Variants in CCDC61 observed in about 807,000 individuals in gnomAD.
The protein encoded by CCDC61 is centrosomal protein CCDC61.
In CCDC61, 55 loss-of-function variants were observed where a neutral mutation model predicts 63.0. The ratio of observed to expected loss-of-function variants is 0.87; its 90% CI spans 0.70 to 1.09. The LOEUF (loss-of-function observed/expected upper bound fraction) is 1.09. Among genes scored for constraint, CCDC61 ranks in the 50% least tolerant of loss-of-function variants. The pLI, the probability that CCDC61 is intolerant of heterozygous loss-of-function variation, is 0.00. For missense variants in CCDC61, 651 were observed against 731.4 expected, an observed-to-expected ratio of 0.89 and a Z score of 1.27; for synonymous variants, 270 against 317.0, an observed-to-expected ratio of 0.85 and a Z score of 1.58.
In CCDC61 at chr19:46,016,825, G is replaced by C; in HGVS notation, c.1223G>C (p.Ser408Thr). The change falls in exon 10 of 14, where the codon AGC becomes ACC. Residue 408 changes from serine (S) to threonine (T), a missense_variant. Transcript: ENST00000595358. This position sits in a 1 kb window ranked among gnomAD's most constrained non-coding sequence, Gnocchi z 7.2. ...GDAPNRSRNR[S>T]SSVDSFRSRC... ...GCCCCTAACCGCTCCCGAAACCGCA[G>C]CTCCTCAGGTAACTGGCCTGGAGCT... 3 of 1,517,300 alleles carry C rather than the reference G, an allele frequency of 2.0e-6. No homozygotes were observed. The highest frequency in any genetic ancestry group is 2.7e-6 in the Non-Finnish European group (3 of 1,131,060). The allele number at this position is 1,517,300 out of a possible 1,614,324, so 94.0% of individuals were successfully genotyped here.
chr19:46,018,019 A>G lies in CCDC61; in HGVS notation c.1369-59A>G, dbSNP rs1159397301. Reference sequence around the variant, plus strand: ...AGGCTCAGGATTTCCAGTGGGATTTAGGGGGACAGAAATAGAGGGACGGTG... The same window carrying G: ...AGGCTCAGGATTTCCAGTGGGATTTGGGGGGACAGAAATAGAGGGACGGTG... On this transcript the variant is annotated intron_variant, in intron 12 of 13. Coordinates refer to ENST00000595358, the MANE Select transcript of CCDC61 (RefSeq NM_001267723.2). The surrounding 1 kb of genome is among the most constrained non-coding windows in gnomAD (Gnocchi z 4.2). 4.8e-6 allele frequency: 7 copies of G among 1,447,662 alleles called. No individual in the cohort carries two copies. The African/African-American group carries it at 7.1e-5, about 15-fold the overall frequency. The allele number at this position is 1,447,662 out of a possible 1,614,324, so 89.7% of individuals were successfully genotyped here.
intron 5 of CCDC61, among the ~76,000 whole-genome samples, chr19:46,011,537 T>C (rs1968828859): frequency 6.6e-6 from 1 of 152,204 alleles, no homozygotes; most frequent in Non-Finnish European, 1.5e-5. Context: ...CGCCATGGTG[T>C]GTTTAATGTC....
rs948132451 is a variant in CCDC61, at chr19:46,015,775, G to A, written c.846-279G>A. ...TTTATGGGGTGGGTGGTGGAAAATT[G>A]GAAAGAGTTTCCGGGGAGTTGTGGA... On this transcript the variant is annotated intron_variant, in intron 7 of 13. Coordinates refer to ENST00000595358, the MANE Select transcript of CCDC61 (RefSeq NM_001267723.2). The surrounding 1 kb of genome is among the most constrained non-coding windows in gnomAD (Gnocchi z 5.3). Among the ~76,000 whole-genome samples, 88 of 152,056 alleles carry A rather than the reference G, an allele frequency of 5.8e-4. No homozygotes were observed. The highest frequency in any genetic ancestry group is 1.1e-3 in the Non-Finnish European group (78 of 67,988).
chr19:46,012,412 G>A (rs1302718350), intron 5 of CCDC61, among the ~76,000 whole-genome samples: 1 of 152,188 alleles, frequency 6.6e-6, no homozygotes, highest in African/African-American at 2.4e-5. Flanking sequence ...TTGGGAGGCC[G>A]AGGCGGGTGG....
chr19:46,017,228 G>T lies in CCDC61; in HGVS notation c.1311-19G>T. 6.4e-7 allele frequency: 1 copy of T among 1,558,464 alleles called. No individual in the cohort carries two copies. Among genetic ancestry groups the T allele is most frequent in the Non-Finnish European group, 8.7e-7 (1 of 1,150,578 alleles). On this transcript the variant is annotated intron_variant, in intron 11 of 13. Coordinates refer to ENST00000595358, the MANE Select transcript of CCDC61 (RefSeq NM_001267723.2). ...CAGAGCCTCCCCACCACTGGTCCTT[G>T]GTTACTCCTTTTTCTCAGGGGTCAC...
Position 46,018,371 on chromosome 19 carries a change from T to C in CCDC61, c.1523T>C (p.Leu508Pro), listed in dbSNP as rs759578131. ...LKALQEYMNR[L>P]DMRS Reference sequence around the variant, plus strand: ...GCCTTGCAGGAGTACATGAACCGACTGGACATGCGGTCATAACGTGGAGAA... The same window carrying C: ...GCCTTGCAGGAGTACATGAACCGACCGGACATGCGGTCATAACGTGGAGAA... Residue 508 changes from leucine (L) to proline (P), a missense_variant, in exon 14 of 14, where the codon CTG (leucine) becomes CCG (proline). Transcript: ENST00000595358. The surrounding 1 kb of genome is among the most constrained non-coding windows in gnomAD (Gnocchi z 4.2). 3 of 1,570,754 alleles carry C rather than the reference T, an allele frequency of 1.9e-6. No homozygotes were observed. In the East Asian group the frequency reaches 7.1e-5, roughly 37 times the overall value.
rs1968713748 is a variant in CCDC61, at chr19:46,006,561, T to C, written c.234T>C (p.Ser78=). The C allele has an allele frequency of 6.4e-7, 1 of 1,556,852 alleles. No individual in the cohort carries two copies. The highest frequency in any genetic ancestry group is 8.7e-7 in the Non-Finnish European group (1 of 1,146,870). ...CTCCTCCTCTCCTCTCCTGACAGAGTAGTGAGTCAGTCACCCTGGACCTGC... is the reference window on the plus strand; with the variant it reads ...CTCCTCCTCTCCTCTCCTGACAGAGCAGTGAGTCAGTCACCCTGGACCTGC... ...CHMLESALTQ[S]SESVTLDLLT... is the part of the protein sequence containing the mutation. Residue 78 remains serine, a splice_region_variant and synonymous_variant, in exon 4 of 14, where the codon AGT becomes AGC. Transcript: ENST00000595358.
At chr19:45,995,646 A>T (rs1177367318) in intron 1 of CCDC61, 142 bp downstream of exon 1, 1 of 360,368 alleles carries the variant, frequency 2.8e-6, no homozygotes, top group East Asian at 7.4e-5. Flanking sequence ...GTGCCCTTTA[A>T]CAAGGGTAGG....
Position 46,018,609 on chromosome 19 carries a change from C to T in CCDC61, c.*222C>T, listed in dbSNP as rs1969002285. ...GCATTTTGTAAATAAACATATTTGCCCTGGGGACCCCTCAGCTTATGACTA... is the reference window on the plus strand; with the variant it reads ...GCATTTTGTAAATAAACATATTTGCTCTGGGGACCCCTCAGCTTATGACTA... On this transcript the variant is annotated 3_prime_UTR_variant, in exon 14 of 14. Coordinates refer to ENST00000595358, the MANE Select transcript of CCDC61 (RefSeq NM_001267723.2). The surrounding 1 kb of genome is among the most constrained non-coding windows in gnomAD (Gnocchi z 4.2). The T allele has an allele frequency of 4.0e-6, 2 of 503,942 alleles. No homozygotes were observed. The highest frequency in any genetic ancestry group is 7.2e-6 in the Non-Finnish European group (2 of 276,308). The allele number at this position is 503,942 out of a possible 1,614,324, so 31.2% of individuals were successfully genotyped here. A position where few individuals can be genotyped will look rare whatever the true frequency, so the allele number is the denominator to read the frequency against.
In CCDC61 at chr19:46,018,118, T is replaced by C. The variant is rs1968985759; in HGVS notation, c.1409T>C (p.Leu470Pro). The C allele has an allele frequency of 3.1e-6, 5 of 1,610,354 alleles. No homozygotes were observed. The highest frequency in any genetic ancestry group is 1.3e-5 in the African/African-American group (1 of 74,744). ...GAACGCAGCCACCATCAGAAATCTC[T>C]GGCCAACTCCGGGGGCTGGGTCCCC... is the stretch of plus-strand genomic sequence containing the variant. ...PVERSHHQKS[L>P]ANSGGWVPIK... The change falls in exon 13 of 14, where the codon CTG becomes CCG. Residue 470 changes from leucine (L) to proline (P), a missense_variant. Coordinates refer to ENST00000595358, the MANE Select transcript of CCDC61 (RefSeq NM_001267723.2). This position sits in a 1 kb window ranked among gnomAD's most constrained non-coding sequence, Gnocchi z 4.2.
At chr19:46,011,927 T>G (rs184393062) in intron 5 of CCDC61, among the ~76,000 whole-genome samples, 1 of 152,296 alleles carries the variant, frequency 6.6e-6, no homozygotes, top group African/African-American at 2.4e-5. Flanking sequence ...CTCAGCCTCC[T>G]GAGCAGCTGG....
chr19:46,009,816 A>ATGTGTGTG (rs761965873), intron 5 of CCDC61, among the ~76,000 whole-genome samples: 5 of 113,210 alleles, frequency 4.4e-5, no homozygotes, highest in African/African-American at 7.7e-5. Context: ...GTGTGTGTGT[A>ATGTGTGTG]TGTGTGTGTG....
intron 1 of CCDC61, among the ~76,000 whole-genome samples, chr19:46,000,550 G>T (rs891943874): frequency 9.9e-5 from 15 of 151,860 alleles, no homozygotes; most frequent in Non-Finnish European, 1.5e-5. Context: ...GGAGTGGGAG[G>T]TTCTGCAGAG....
chr19:46,005,595 C>T (rs568010907), intron 3 of CCDC61, among the ~76,000 whole-genome samples: 5 of 152,080 alleles, frequency 3.3e-5, no homozygotes, highest in African/African-American at 4.8e-5. Context: ...CTGTGAACAC[C>T]GAGAAGCTAT....
At chr19:45,998,368 T>C (rs1466930174) in intron 1 of CCDC61, among the ~76,000 whole-genome samples, 3 of 152,224 alleles carry the variant, frequency 2.0e-5, no homozygotes, top group Non-Finnish European at 2.9e-5. Context: ...TCATAAGCAC[T>C]TGTGGTAAGG....
intron 5 of CCDC61, among the ~76,000 whole-genome samples, chr19:46,014,262 C>T (rs1968882284): frequency 6.6e-6 from 1 of 152,126 alleles, no homozygotes; most frequent in African/African-American, 2.4e-5. Flanking sequence ...AATTTCTGTT[C>T]ATTTTCCCCT....
At chr19:45,999,334 T>G (rs1968548277) in intron 1 of CCDC61, among the ~76,000 whole-genome samples, 1 of 150,992 alleles carries the variant, frequency 6.6e-6, no homozygotes, top group Non-Finnish European at 1.5e-5. Flanking sequence ...AAGGGGGGGT[T>G]CTATCCAGCC....
intron 1 of CCDC61, among the ~76,000 whole-genome samples, chr19:46,000,620 G>T (rs1338307890): frequency 6.6e-6 from 1 of 152,070 alleles, no homozygotes; most frequent in African/African-American, 2.4e-5. Flanking sequence ...ACGGGCAGCT[G>T]GGGTCAGGGA....
intron 1 of CCDC61, 30 bp downstream of exon 1, chr19:45,995,534 G>C (rs769914660): frequency 2.0e-6 from 1 of 502,278 alleles, no homozygotes; most frequent in Admixed American, 2.2e-5. Context: ...GCGGTTGCGC[G>C]GGCCGTGGTG....
Sources: gnomAD v4.1 joint callset for allele counts (sites outside exome capture counted in the v4.1 genomes callset) on GRCh38, gnomAD v4.1.1 for gene constraint, Gnocchi (gnomAD v3.1) non-coding constraint, MANE v1.5 for transcripts, NCBI Gene and HGNC (gene_info 2026-07-23, HGNC 2026-07-21) for gene names.